Variants in RMND1 observed in about 807,000 individuals in gnomAD.
RMND1 encodes the protein required for meiotic nuclear division protein 1 homolog.
A neutral mutation model predicts 54.0 loss-of-function variants in RMND1; 41 were observed. That is an observed-to-expected ratio of 0.76 (90% CI 0.59 to 0.98). The LOEUF is 0.98. RMND1 is among the 50% of genes least tolerant of loss of function. The pLI is 0.00. For missense variants in RMND1, 457 were observed against 532.0 expected, an observed-to-expected ratio of 0.86 and a Z score of 1.39; for synonymous variants, 183 against 181.7, an observed-to-expected ratio of 1.01 and a Z score of -0.06.
chr6:151,424,396 G>A (rs1393188474), intron 6 of RMND1, among the ~76,000 whole-genome samples: 1 of 151,490 alleles, frequency 6.6e-6, no homozygotes, highest in East Asian at 2.0e-4. Context: ...CCGGGAGGCG[G>A]AGCTTGCAGT....
intron 2 of RMND1, among the ~76,000 whole-genome samples, chr6:151,439,832 G>A (rs1780722854): frequency 6.6e-6 from 1 of 152,060 alleles, no homozygotes; most frequent in East Asian, 1.9e-4. Flanking sequence ...GCTAATTTTT[G>A]TATTTTTAGT....
intron 1 of RMND1, among the ~76,000 whole-genome samples, chr6:151,446,939 C>CT (rs575648989): frequency 8.6e-5 from 13 of 151,758 alleles, no homozygotes; most frequent in African/African-American, 2.4e-4. Flanking sequence ...ATCAATAATT[C>CT]TTTTTTTAAA....
At chr6:151,445,866 T>C (rs577060032) in intron 1 of RMND1, 41 bp from the exon 2 acceptor site, 141 of 1,454,128 alleles carry the variant, frequency 9.7e-5, no homozygotes, top group South Asian at 6.5e-4. Context: ...TTTAAATTAA[T>C]GTTTAAAACA....
rs1780927319 is a variant in RMND1, at chr6:151,445,469, C to A, written c.343G>T (p.Gly115Cys). 2.5e-6 allele frequency: 4 copies of A among 1,614,154 alleles called. No homozygotes were observed. Among genetic ancestry groups the A allele is most frequent in the Non-Finnish European group, 2.5e-6 (3 of 1,180,034 alleles). The change falls in exon 2 of 12, where the codon GGT (glycine) becomes TGT (cysteine). Residue 115 changes from glycine to cysteine, a missense_variant. Physicochemically the swap from Gly to Cys is radical, Grantham distance 159. Coordinates refer to ENST00000444024, the MANE Select transcript of RMND1 (RefSeq NM_017909.4). ...RRVTHKPNLLGSKWFIKILKR... is the reference protein window; with the variant it reads ...RRVTHKPNLLCSKWFIKILKR... Reference sequence around the variant, plus strand: ...AATATTTTTATAAACCATTTAGAACCCAACAGATTTGGTTTGTGGGTCACT... The same window carrying A: ...AATATTTTTATAAACCATTTAGAACACAACAGATTTGGTTTGTGGGTCACT...
intron 5 of RMND1, among the ~76,000 whole-genome samples, chr6:151,428,464 A>C (rs907852563): frequency 1.3e-5 from 2 of 152,180 alleles, no homozygotes; most frequent in Non-Finnish European, 2.9e-5. Flanking sequence ...CACTTGTGCA[A>C]AGGTCTTCAT....
chr6:151,417,166 T>C (rs1040487553), intron 10 of RMND1, 113 bp downstream of exon 10: 8 of 1,204,900 alleles, frequency 6.6e-6, no homozygotes, highest in African/African-American at 4.6e-5. Flanking sequence ...AGGGGAAATA[T>C]AAAGAGATTT....
intron 3 of RMND1, among the ~76,000 whole-genome samples, chr6:151,435,700 G>A (rs1157445687): frequency 3.3e-5 from 5 of 151,494 alleles, no homozygotes; most frequent in African/African-American, 9.7e-5. Flanking sequence ...AATTACAGGC[G>A]TGAGCTACTG....
intron 2 of RMND1, 56 bp from the exon 3 acceptor site, chr6:151,436,610 C>CG: frequency 6.3e-7 from 1 of 1,586,498 alleles, no homozygotes; most frequent in Non-Finnish European, 8.6e-7. Flanking sequence ...GCATCTGTGA[C>CG]GGCTGCTGAG....
At chr6:151,447,367 A>T (rs1780986711) in intron 1 of RMND1, among the ~76,000 whole-genome samples, 1 of 152,114 alleles carries the variant, frequency 6.6e-6, no homozygotes, top group Admixed American at 6.5e-5. Flanking sequence ...AACAAGACAG[A>T]CTCTGACATC....
rs41290241 is a variant in RMND1 at position 151,452,071 on chromosome 6, C to G, written c.-70G>C. 14,984 of 166,220 alleles carry G rather than the reference C, an allele frequency of 0.09. 857 individuals carry two copies. The highest frequency in any genetic ancestry group is 0.17 in the Middle Eastern group (57 of 328). The allele number at this position is 166,220 out of a possible 1,614,324, so 10.3% of individuals were successfully genotyped here. A position where few individuals can be genotyped will look rare whatever the true frequency, so the allele number is the denominator to read the frequency against. On this transcript the variant is annotated 5_prime_UTR_variant, in exon 1 of 12. Coordinates refer to ENST00000444024, the MANE Select transcript of RMND1 (RefSeq NM_017909.4). ...AGGGACGCACGCTTCCTCGGCAGGACTGCAGGGAAAGAGCCGCACCCCCAG... is the reference window on the plus strand; with the variant it reads ...AGGGACGCACGCTTCCTCGGCAGGAGTGCAGGGAAAGAGCCGCACCCCCAG...
At chr6:151,448,328 C>A (rs1364276212) in intron 1 of RMND1, among the ~76,000 whole-genome samples, 2 of 152,120 alleles carry the variant, frequency 1.3e-5, no homozygotes, top group Admixed American at 6.6e-5. Flanking sequence ...ACAGGACCCA[C>A]AAGTCAATGA....
chr6:151,423,500 T>C (rs368951912), intron 7 of RMND1, 25 bp downstream of exon 7: 7 of 1,417,958 alleles, frequency 4.9e-6, no homozygotes, highest in Non-Finnish European at 7.0e-6. Context: ...TGTAGTACCC[T>C]ATCCCATAAG....
At position 151,436,569 on chromosome 6, in the gene RMND1, T is replaced by C. The variant is rs745436801; in HGVS notation, c.505-15A>G. 1.2e-6 allele frequency: 2 copies of C among 1,612,976 alleles called. No homozygotes were observed. The highest frequency in any genetic ancestry group is 8.5e-7 in the Non-Finnish European group (1 of 1,179,270). ...TGCATTAGGTCCTGTTCCAGGGAAA[T>C]GAGCATAACATGGGTTACCAAGAGG... On this transcript the variant is annotated splice_polypyrimidine_tract_variant and intron_variant, in intron 2 of 11. Transcript: ENST00000444024.
rs1582947394 is a variant in RMND1, at chr6:151,417,321, G to A, written c.1158C>T (p.Tyr386=). ...YWDRENLEGL[Y]DKTCQFLSIG... Reference sequence around the variant, plus strand: ...TGCTAAGGAATTGACACGTTTTATCGTAAAGTCCTTCCAGGTTTTCTCTGT... The same window carrying A: ...TGCTAAGGAATTGACACGTTTTATCATAAAGTCCTTCCAGGTTTTCTCTGT... Residue 386 remains tyrosine (Y), a synonymous_variant, in exon 10 of 12, where the codon TAC becomes TAT. Coordinates refer to ENST00000444024, the MANE Select transcript of RMND1 (RefSeq NM_017909.4). 5 of 1,613,504 alleles carry A rather than the reference G, an allele frequency of 3.1e-6. No individual in the cohort carries two copies. The highest frequency in any genetic ancestry group is 1.1e-5 in the South Asian group (1 of 90,988).
At chr6:151,417,845 G>C (rs1346566579) in intron 9 of RMND1, among the ~76,000 whole-genome samples, 1 of 145,824 alleles carries the variant, frequency 6.9e-6, no homozygotes, top group Admixed American at 7.0e-5. Context: ...AGTCACTCTT[G>C]TCACCCAGGC....
intron 6 of RMND1, among the ~76,000 whole-genome samples, chr6:151,426,724 T>G (rs767229752): frequency 3.3e-5 from 5 of 152,204 alleles, no homozygotes; most frequent in Non-Finnish European, 7.3e-5. Context: ...GTTTATCTTC[T>G]AATATTTATT....
intron 10 of RMND1, 111 bp downstream of exon 10, chr6:151,417,166 TAA>T: frequency 8.3e-7 from 1 of 1,205,018 alleles, no homozygotes; most frequent in Non-Finnish European, 1.2e-6. Context: ...AGGGGAAATA[TAA>T]AGAGATTTGA....
chr6:151,405,678 A>G, intron 11 of RMND1, 42 bp downstream of exon 11: 1 of 984,170 alleles, frequency 1.0e-6, no homozygotes, highest in South Asian at 1.3e-5. Context: ...GTATTTGTGA[A>G]AAGATGGTAA....
intron 10 of RMND1, chr6:151,413,993 A>G (rs1427284927): frequency 6.6e-6 from 1 of 151,880 alleles, no homozygotes; most frequent in East Asian, 1.9e-4. Flanking sequence ...AGCTTAGAGG[A>G]AAAAAATGTA....
Sources: allele counts gnomAD v4.1 joint callset (sites outside exome capture counted in the v4.1 genomes callset), GRCh38; gene constraint gnomAD v4.1.1; transcripts MANE v1.5; gene names NCBI Gene and HGNC (gene_info 2026-07-23, HGNC 2026-07-21).